Variants in C2CD3 observed in about 807,000 individuals in gnomAD.
C2CD3 encodes the protein C2 domain containing 3 centriole elongation regulator, also known as C2 domain-containing protein 3.
A neutral mutation model predicts 234.0 loss-of-function variants in C2CD3; 148 were observed. That is an observed-to-expected ratio of 0.63 (90% CI 0.55 to 0.72). The LOEUF is 0.72. Among genes scored for constraint, C2CD3 ranks in the 30% least tolerant of loss-of-function variants. The pLI, the probability that C2CD3 is intolerant of heterozygous loss-of-function variation, is 0.00. For missense variants in C2CD3, 2,577 were observed against 2,811.5 expected (o/e 0.92, Z 1.89); for synonymous variants, 1,000 against 1,035.4 (o/e 0.97, Z 0.66).
intron 29 of C2CD3, among the ~76,000 whole-genome samples, chr11:74,041,824 C>G (rs967140476): frequency 6.6e-6 from 1 of 152,166 alleles, no homozygotes. Flanking sequence ...ACAGGTGCAT[C>G]AGTAACAGAG....
intron 3 of C2CD3, among the ~76,000 whole-genome samples, chr11:74,159,158 C>A (rs370080804): frequency 6.6e-6 from 1 of 152,020 alleles, no homozygotes; most frequent in Non-Finnish European, 1.5e-5. Flanking sequence ...ATGTTTGTGG[C>A]GATGCTGATG....
intron 24 of C2CD3, among the ~76,000 whole-genome samples, chr11:74,072,144 T>A (rs972316459): frequency 6.6e-6 from 1 of 152,112 alleles, no homozygotes; most frequent in African/African-American, 2.4e-5. Flanking sequence ...GGCAGAAAAT[T>A]TTTTTTTCTT....
At chr11:74,108,320 A>G (rs1281159623) in intron 12 of C2CD3, among the ~76,000 whole-genome samples, 2 of 152,132 alleles carry the variant, frequency 1.3e-5, no homozygotes, top group African/African-American at 4.8e-5. Context: ...CCTGTATTGT[A>G]TATGTCTTCT....
chr11:74,122,921 C>T (rs1957267728), intron 8 of C2CD3, 67 bp downstream of exon 8: 1 of 664,172 alleles, frequency 1.5e-6, no homozygotes, highest in Non-Finnish European at 2.1e-6. Flanking sequence ...GCTGTCATGC[C>T]TGCAGCTACT....
chr11:74,046,700 G>A (rs1953391789), intron 28 of C2CD3, among the ~76,000 whole-genome samples: 1 of 152,056 alleles, frequency 6.6e-6, no homozygotes, highest in Non-Finnish European at 1.5e-5. Context: ...TTGTCTATCA[G>A]TAATGCATTT....
At chr11:74,067,029 T>C (rs1013926793) in intron 24 of C2CD3, among the ~76,000 whole-genome samples, 2 of 152,242 alleles carry the variant, frequency 1.3e-5, no homozygotes, top group African/African-American at 4.8e-5. Flanking sequence ...TATTTGTATC[T>C]GAAATGTATA....
chr11:74,013,656 C>T (rs897805979), intron 32 of C2CD3, 131 bp from the exon 33 acceptor site: 15 of 480,640 alleles, frequency 3.1e-5, no homozygotes, highest in African/African-American at 2.4e-4. Flanking sequence ...AAGCGCTTTA[C>T]GTACCTTATC....
In C2CD3 at chr11:74,085,900, G is replaced by A. The variant is rs750457381; in HGVS notation, c.3642-14C>T. 1.1e-5 allele frequency: 17 copies of A among 1,594,194 alleles called. No homozygotes were observed. The highest frequency in any genetic ancestry group is 2.7e-5 in the African/African-American group (2 of 74,192). ...TCAGCCAAAGCCCTGTAGAGGAGAA[G>A]GGTGGAAATGAGAAGATACCATGGT... is the stretch of plus-strand genomic sequence containing the variant. On this transcript the variant is annotated splice_polypyrimidine_tract_variant and intron_variant, in intron 20 of 32. Transcript: ENST00000334126.
rs1223800960 is a variant in C2CD3, at chr11:74,085,000, T to A, written c.3911-30A>T. The stretch of plus-strand genomic sequence containing the variant: ...TAAATCAAGCAAAAAAGAAAAATTA[T>A]TTGATGGTCTATTCATCAAGGGGCT... On this transcript the variant is annotated intron_variant, in intron 21 of 32. Coordinates refer to ENST00000334126, the MANE Select transcript of C2CD3 (RefSeq NM_001286577.2). 6 of 1,283,686 alleles carry A rather than the reference T, an allele frequency of 4.7e-6. No individual in the cohort carries two copies. In the South Asian group the frequency reaches 7.1e-5, roughly 15 times the overall value. 79.5% of individuals were successfully genotyped at this position (1,283,686 alleles called of 1,614,324 possible).
chr11:74,116,894 ATATACACACG>A (rs1394939201), intron 9 of C2CD3, among the ~76,000 whole-genome samples: 1 of 122,528 alleles, frequency 8.2e-6, no homozygotes, highest in African/African-American at 3.0e-5. Context: ...ACACGTGTAT[ATATACACACG>A]TGTATGTATA....
intron 20 of C2CD3, among the ~76,000 whole-genome samples, chr11:74,090,385 A>G (rs1291755513): frequency 6.6e-6 from 1 of 152,182 alleles, no homozygotes; most frequent in African/African-American, 2.4e-5. Context: ...AGCCTGGGCG[A>G]CAAAGCTAGA....
At chr11:74,029,314 G>A (rs939113813) in intron 31 of C2CD3, among the ~76,000 whole-genome samples, 4 of 152,062 alleles carry the variant, frequency 2.6e-5, no homozygotes, top group Admixed American at 2.0e-4. Context: ...CTATTTTATC[G>A]TCGTTCTTCT....
intron 26 of C2CD3, among the ~76,000 whole-genome samples, chr11:74,054,300 G>C (rs768531033): frequency 5.3e-5 from 8 of 150,472 alleles, no homozygotes; most frequent in Non-Finnish European, 8.9e-5. Context: ...AAATTAGCTA[G>C]GCATAGTGGT....
rs544873425 is a variant in C2CD3, at chr11:74,117,742, C to T, written c.1520+486G>A. Among the ~76,000 whole-genome samples, 132 of 151,894 alleles carry T rather than the reference C, an allele frequency of 8.7e-4. 1 individual carries two copies. Among genetic ancestry groups the T allele is most frequent in the African/African-American group, 3.1e-3 (127 of 41,422 alleles). ...CAACCTGACCAACATGGAGAAACGC[C>T]GTCTCTACTAAAAATACAAAATTAG... is the stretch of plus-strand genomic sequence containing the variant. On this transcript the variant is annotated intron_variant, in intron 9 of 32. Transcript: ENST00000334126.
At chr11:74,162,751 A>G (rs549344102) in intron 2 of C2CD3, among the ~76,000 whole-genome samples, 109 of 152,326 alleles carry the variant, frequency 7.2e-4, no homozygotes, top group African/African-American at 2.5e-3. Context: ...GAGTATTGTT[A>G]AATGTATTTG....
intron 19 of C2CD3, 123 bp from the exon 20 acceptor site, chr11:74,091,059 A>T (rs12146632): frequency 0.032 from 28,362 of 892,878 alleles, 550 homozygotes; most frequent in Middle Eastern, 0.048. Context: ...AAGGGCAATG[A>T]GAGAATCTGT....
At chr11:74,014,658 C>T (rs1951814505) in intron 32 of C2CD3, among the ~76,000 whole-genome samples, 2 of 152,216 alleles carry the variant, frequency 1.3e-5, no homozygotes, top group South Asian at 4.1e-4. Flanking sequence ...ATAAACAGAA[C>T]TCCGTTTTAG....
chr11:74,100,777 AAC>A (rs1956286422), intron 14 of C2CD3, 101 bp from the exon 15 acceptor site: 5 of 982,628 alleles, frequency 5.1e-6, no homozygotes, highest in Admixed American at 2.6e-5. Flanking sequence ...GCCTATTGTT[AAC>A]ACACAGTGTT....
chr11:74,121,267 T>C (rs1006631587), intron 8 of C2CD3, among the ~76,000 whole-genome samples: 2 of 152,162 alleles, frequency 1.3e-5, no homozygotes, highest in Admixed American at 6.5e-5. Flanking sequence ...TGTTTCATGC[T>C]ATGTAAAAGA....
Sources: allele counts gnomAD v4.1 joint callset (sites outside exome capture counted in the v4.1 genomes callset), GRCh38; gene constraint gnomAD v4.1.1; transcripts MANE v1.5; gene names NCBI Gene and HGNC (gene_info 2026-07-23, HGNC 2026-07-21).